Variants in MUC17 observed in about 807,000 individuals in gnomAD.
MUC17 encodes the protein mucin-17.
MUC17 carries 190 observed loss-of-function variants against 170.3 expected under a neutral mutation model. That is an observed-to-expected ratio of 1.12 (90% CI 0.99 to 1.26). The LOEUF (loss-of-function observed/expected upper bound fraction) is 1.26, where lower values mean the gene tolerates loss of function less well. MUC17 is among the 50% of genes most tolerant of loss of function. MUC17 has a pLI of 0.00. For missense variants in MUC17, 6,415 were observed against 5,530.0 expected (o/e 1.16, Z -5.08); for synonymous variants, 2,325 against 2,002.5 (o/e 1.16, Z -4.30).
At chr7:101,023,410 A>G (rs1794128668) in intron 1 of MUC17, among the ~76,000 whole-genome samples, 1 of 152,050 alleles carries the variant, frequency 6.6e-6, no homozygotes, top group South Asian at 2.1e-4. Context: ...TTTTTTTAAG[A>G]CATGGTCTCA....
rs780074683 is a variant in MUC17 at position 101,032,888 on chromosome 7, C to G, written c.1472C>G (p.Ser491Ter). Residue 491 changes from serine to a stop codon, truncating the protein, a stop_gained, in exon 3 of 13, where the codon TCA (serine) becomes TGA (stop). Transcript: ENST00000306151. LOFTEE classifies it high-confidence loss of function. ...GTGACCACTTCTACTGAAGCCAGTT[C>G]ATCTCCTCCAACTGCTGAAGTTAAC... ...TQVTTSTEAS[S>*]SPPTAEVNSM... The G allele has an allele frequency of 2.5e-5, 40 of 1,613,884 alleles. No individual in the cohort carries two copies. The Middle Eastern group carries it at 4.9e-4, about 20-fold the overall frequency.
In MUC17 at chr7:101,037,503, A is replaced by G. The variant is rs773071492; in HGVS notation, c.6087A>G (p.Ala2029=). ...AAGGCAGTTCATCTCCTACAACTGCAGGAGGTACCAGCATACAAACCTCAA... is the reference window on the plus strand; with the variant it reads ...AAGGCAGTTCATCTCCTACAACTGCGGGAGGTACCAGCATACAAACCTCAA... The part of the protein sequence containing the change: ...STEGSSSPTT[A]GGTSIQTSTP... The change falls in exon 3 of 13, where the codon GCA becomes GCG. Residue 2029 remains alanine, a synonymous_variant. Transcript: ENST00000306151. The G allele has an allele frequency of 5.6e-6, 9 of 1,612,240 alleles. No homozygotes were observed. The highest frequency in any genetic ancestry group is 6.8e-6 in the Non-Finnish European group (8 of 1,179,368).
intron 9 of MUC17, among the ~76,000 whole-genome samples, chr7:101,052,728 G>T (rs1794971778): frequency 6.6e-6 from 1 of 152,102 alleles, no homozygotes; most frequent in Non-Finnish European, 1.5e-5. Flanking sequence ...CCCAGGGTTG[G>T]GCCAACCGTC....
chr7:101,036,388 T>C lies in MUC17; in HGVS notation c.4972T>C (p.Ser1658Pro), dbSNP rs1451398162. 3.1e-6 allele frequency: 5 copies of C among 1,601,820 alleles called. No individual in the cohort carries two copies. The highest frequency in any genetic ancestry group is 4.3e-6 in the Non-Finnish European group (5 of 1,175,748). Residue 1658 changes from serine to proline, a missense_variant, in exon 3 of 13, where the codon TCC (serine) becomes CCC (proline). Transcript: ENST00000306151. Reference sequence around the variant, plus strand: ...CACCCTTTCAACAACTCCTGTTGACTCCAACAGTCCTGTGATCACTTCTAC... The same window carrying C: ...CACCCTTTCAACAACTCCTGTTGACCCCAACAGTCCTGTGATCACTTCTAC... ...ASTLSTTPVD[S>P]NSPVITSTEV...
chr7:101,047,515 G>A (rs1794862452), intron 3 of MUC17, among the ~76,000 whole-genome samples: 1 of 152,142 alleles, frequency 6.6e-6, no homozygotes, highest in South Asian at 2.1e-4. Context: ...CACCCCTGGG[G>A]TCTCATGAGA....
At chr7:101,045,981 C>T (rs540938875) in intron 3 of MUC17, among the ~76,000 whole-genome samples, 3 of 152,288 alleles carry the variant, frequency 2.0e-5, no homozygotes, top group Admixed American at 6.5e-5. Flanking sequence ...AATGGGTGAA[C>T]GCGCCCCAGC....
rs777952445 is a variant in MUC17 at position 101,040,078 on chromosome 7, AC to A, written c.8665del (p.Leu2889PhefsTer38). 6.2e-7 allele frequency: 1 copy of A among 1,612,704 alleles called. No homozygotes were observed. Among genetic ancestry groups the A allele is most frequent in the Non-Finnish European group, 8.5e-7 (1 of 1,179,592 alleles). The stretch of plus-strand genomic sequence containing the variant: ...GCCGGTGGCCAGTTCTGAGGCTAGC[AC>A]CCTTTCAACAACTCCTGTTGATACC... ...TTPVASSEAS[T>X]LSTTPVDTSI... On this transcript the variant is annotated frameshift_variant, in exon 3 of 13. Transcript: ENST00000306151. LOFTEE classifies it high-confidence loss of function.
rs762702452 is a variant in MUC17, at chr7:101,031,681, C to G, written c.265C>G (p.Pro89Ala). The change falls in exon 3 of 13, where the codon CCT becomes GCT. Residue 89 changes from proline (P) to alanine (A), a missense_variant. Transcript: ENST00000306151. ...PRMYLSCSTNPEMTSIESSVT... is the reference protein window; with the variant it reads ...PRMYLSCSTNAEMTSIESSVT... The stretch of plus-strand genomic sequence containing the variant: ...AATGTATTTGAGTTGCAGCACCAAC[C>G]CTGAGATGACCTCGATTGAGTCCAG... 6.2e-7 allele frequency: 1 copy of G among 1,602,416 alleles called. No individual in the cohort carries two copies. Among genetic ancestry groups the G allele is most frequent in the East Asian group, 2.2e-5 (1 of 44,736 alleles).
intron 3 of MUC17, among the ~76,000 whole-genome samples, chr7:101,045,989 A>G (rs186448724): frequency 2.2e-4 from 34 of 152,292 alleles, no homozygotes; most frequent in African/African-American, 8.2e-4. Flanking sequence ...AACGCGCCCC[A>G]GCATCTGCTT....
Position 101,036,310 on chromosome 7 carries a change from C to T in MUC17, c.4894C>T (p.Leu1632=), listed in dbSNP as rs1195503636. 7 of 1,613,526 alleles carry T rather than the reference C, an allele frequency of 4.3e-6. No individual in the cohort carries two copies. Among genetic ancestry groups the T allele is most frequent in the Non-Finnish European group, 5.9e-6 (7 of 1,179,846 alleles). ...CTCAACTCCTAGTGAAGGAAGTCCT[C>T]TATTAACAAGTATACCTGTCAGCAC... ...TISTPSEGSP[L]LTSIPVSTTP... The change falls in exon 3 of 13, where the codon CTA becomes TTA. Residue 1632 remains leucine (L), a synonymous_variant. Coordinates refer to ENST00000306151, the MANE Select transcript of MUC17 (RefSeq NM_001040105.2).
In MUC17 at chr7:101,036,557, C is replaced by T; in HGVS notation, c.5141C>T (p.Pro1714Leu). 1 of 1,611,512 alleles carries T rather than the reference C, an allele frequency of 6.2e-7. No individual in the cohort carries two copies. Among genetic ancestry groups the T allele is most frequent in the South Asian group, 1.1e-5 (1 of 90,798 alleles). ...GCAATCAGCACCCTTTCAACAACTC[C>T]CGTTGACAACAGCACACCTGTGACC... Reference protein sequence around the residue: ...SSAISTLSTTPVDNSTPVTTS... With the variant: ...SSAISTLSTTLVDNSTPVTTS... The change falls in exon 3 of 13, where the codon CCC becomes CTC. Residue 1714 changes from proline (P) to leucine (L), a missense_variant. Coordinates refer to ENST00000306151, the MANE Select transcript of MUC17 (RefSeq NM_001040105.2).
At chr7:101,050,704 C>T in intron 7 of MUC17, 69 bp downstream of exon 7, 3 of 1,553,254 alleles carry the variant, frequency 1.9e-6, no homozygotes, top group Non-Finnish European at 2.6e-6. Flanking sequence ...TCTTAATAGA[C>T]AGGAGGGCGG....
At chr7:101,020,705 G>A (rs1037647478) in intron 1 of MUC17, among the ~76,000 whole-genome samples, 3 of 152,108 alleles carry the variant, frequency 2.0e-5, no homozygotes, top group African/African-American at 7.2e-5. Flanking sequence ...ACAAAATGGC[G>A]TTTCAGGAGC....
rs763909919 is a variant in MUC17 at position 101,037,289 on chromosome 7, C to T, written c.5873C>T (p.Thr1958Ile). Reference protein sequence around the residue: ...TTLADTRTPVTTYSQASSSPT... With the variant: ...TTLADTRTPVITYSQASSSPT... ...CTTGCTGACACCAGGACACCTGTGA[C>T]CACTTATTCTCAAGCCAGTTCATCT... The change falls in exon 3 of 13, where the codon ACC becomes ATC. Residue 1958 changes from threonine to isoleucine, a missense_variant. By Grantham distance (89) the Thr-to-Ile change is moderately conservative. Coordinates refer to ENST00000306151, the MANE Select transcript of MUC17 (RefSeq NM_001040105.2). The T allele has an allele frequency of 6.2e-7, 1 of 1,613,376 alleles. No homozygotes were observed. The highest frequency in any genetic ancestry group is 1.7e-5 in the Admixed American group (1 of 59,988).
In MUC17 at chr7:101,042,820, A is replaced by G. The variant is rs770663948; in HGVS notation, c.11404A>G (p.Thr3802Ala). 3.3e-5 allele frequency: 54 copies of G among 1,614,172 alleles called. No homozygotes were observed. Among genetic ancestry groups the G allele is most frequent in the South Asian group, 2.3e-4 (21 of 91,076 alleles). ...SSSPTTLEGT[T>A]TMPMSTTSER... is the part of the protein sequence containing the mutation. ...ATCTCCTACAACTCTTGAAGGCACCACCACCATGCCTATGTCAACTACGAG... is the reference window on the plus strand; with the variant it reads ...ATCTCCTACAACTCTTGAAGGCACCGCCACCATGCCTATGTCAACTACGAG... Residue 3802 changes from threonine to alanine, a missense_variant, in exon 3 of 13, where the codon ACC (threonine) becomes GCC (alanine). Transcript: ENST00000306151.
At chr7:101,057,841 C>G (rs1381207402) in intron 12 of MUC17, among the ~76,000 whole-genome samples, 162 bp from the exon 13 acceptor site, 3 of 152,120 alleles carry the variant, frequency 2.0e-5, no homozygotes, top group Non-Finnish European at 4.4e-5. Context: ...GATTGTGCCA[C>G]TGCACTCCAG....
chr7:101,021,944 C>T (rs774303049), intron 1 of MUC17, among the ~76,000 whole-genome samples: 8 of 152,192 alleles, frequency 5.3e-5, no homozygotes, highest in Non-Finnish European at 7.3e-5. Context: ...GGTTATATTG[C>T]TTGTCAACAA....
chr7:101,034,822 A>C lies in MUC17; in HGVS notation c.3406A>C (p.Thr1136Pro), dbSNP rs751941520. The change falls in exon 3 of 13, where the codon ACT (threonine) becomes CCT (proline). Residue 1136 changes from threonine (T) to proline (P), a missense_variant. Physicochemically the swap from Thr to Pro is conservative, Grantham distance 38 (BLOSUM62 -1). Coordinates refer to ENST00000306151, the MANE Select transcript of MUC17 (RefSeq NM_001040105.2). ...VDTSIPVTTS[T>P]EASSSPTTAE... ...CACCAGCATACCTGTCACCACTTCT[A>C]CTGAAGCCAGTTCATCTCCTACAAC... 2 of 1,605,784 alleles carry C rather than the reference A, an allele frequency of 1.2e-6. No homozygotes were observed. The highest frequency in any genetic ancestry group is 1.7e-6 in the Non-Finnish European group (2 of 1,175,868).
At position 101,034,622 on chromosome 7, in the gene MUC17, C is replaced by T. The variant is rs1794403077; in HGVS notation, c.3206C>T (p.Thr1069Ile). The change falls in exon 3 of 13, where the codon ACC becomes ATC. Residue 1069 changes from threonine to isoleucine, a missense_variant. Physicochemically the swap from Thr to Ile is moderately conservative, Grantham distance 89. Coordinates refer to ENST00000306151, the MANE Select transcript of MUC17 (RefSeq NM_001040105.2). The stretch of plus-strand genomic sequence containing the variant: ...ACACTTTCAACAACTCCTGCTGACA[C>T]CAGCACACCTGTGACCACTTATTCT... Reference protein sequence around the residue: ...TSTLSTTPADTSTPVTTYSQA... With the variant: ...TSTLSTTPADISTPVTTYSQA... 1 of 1,607,674 alleles carries T rather than the reference C, an allele frequency of 6.2e-7. No individual in the cohort carries two copies. The highest frequency in any genetic ancestry group is 8.5e-7 in the Non-Finnish European group (1 of 1,175,098).
Sources: gnomAD v4.1 joint callset for allele counts (sites outside exome capture counted in the v4.1 genomes callset) on GRCh38, gnomAD v4.1.1 for gene constraint, MANE v1.5 for transcripts, NCBI Gene and HGNC (gene_info 2026-07-23, HGNC 2026-07-21) for gene names.